Variants in ALB observed in about 807,000 individuals in gnomAD.
The protein encoded by ALB is serum albumin.
ALB carries 37 observed loss-of-function variants against 74.5 expected under a neutral mutation model. The observed-to-expected ratio is 0.50, with a 90% CI of 0.38 to 0.65. The LOEUF (loss-of-function observed/expected upper bound fraction) is 0.65. ALB is among the 30% of genes least tolerant of loss of function. ALB has a pLI of 0.00. For missense variants in ALB, 685 were observed against 718.7 expected, an observed-to-expected ratio of 0.95 and a Z score of 0.54; for synonymous variants, 249 against 251.6, an observed-to-expected ratio of 0.99 and a Z score of 0.10.
At chr4:73,407,210 C>A (rs1029615080) in intron 3 of ALB, among the ~76,000 whole-genome samples, 3 of 152,070 alleles carry the variant, frequency 2.0e-5, no homozygotes, top group Non-Finnish European at 4.4e-5. Context: ...TGTTGTATAG[C>A]TTACTCATCT....
At position 73,416,287 on chromosome 4, in the gene ALB, C is replaced by T. The variant is rs1719010875; in HGVS notation, c.1223C>T (p.Pro408Leu). The change falls in exon 10 of 15, where the codon CCT (proline) becomes CTT (leucine). Residue 408 changes from proline (P) to leucine (L), a missense_variant. By Grantham distance (98) the Pro-to-Leu change is moderately conservative. Coordinates refer to ENST00000295897, the MANE Select transcript of ALB (RefSeq NM_000477.7). Reference sequence around the variant, plus strand: ...GAATTTAAACCTCTTGTGGAAGAGCCTCAGAATTTAATCAAACAAAATTGT... The same window carrying T: ...GAATTTAAACCTCTTGTGGAAGAGCTTCAGAATTTAATCAAACAAAATTGT... ...FDEFKPLVEE[P>L]QNLIKQNCEL... 1 of 1,613,564 alleles carries T rather than the reference C, an allele frequency of 6.2e-7. No individual in the cohort carries two copies. The highest frequency in any genetic ancestry group is 8.5e-7 in the Non-Finnish European group (1 of 1,179,690).
rs2149327659 is a variant in ALB at position 73,409,495 on chromosome 4, G to A, written c.615+8G>A. ...GCCTGCCTGTTGCCAAAGGTATTATGCAAAAGAATAGAAAAAAAGAGTTCA... is the reference window on the plus strand; with the variant it reads ...GCCTGCCTGTTGCCAAAGGTATTATACAAAAGAATAGAAAAAAAGAGTTCA... On this transcript the variant is annotated splice_region_variant and intron_variant, in intron 5 of 14. Transcript: ENST00000295897. 1.2e-6 allele frequency: 2 copies of A among 1,613,790 alleles called. No homozygotes were observed. The highest frequency in any genetic ancestry group is 1.1e-5 in the South Asian group (1 of 91,046).
intron 8 of ALB, among the ~76,000 whole-genome samples, chr4:73,414,754 C>T (rs937965054): frequency 8.5e-5 from 13 of 152,072 alleles, no homozygotes; most frequent in African/African-American, 1.9e-4. Context: ...TGTGCCCAGC[C>T]GACAGATACT....
In ALB at chr4:73,421,267, CA is replaced by C; in HGVS notation, c.*200del. 1 of 477,338 alleles carries C rather than the reference CA, an allele frequency of 2.1e-6. No individual in the cohort carries two copies. The highest frequency in any genetic ancestry group is 3.6e-5 in the South Asian group (1 of 27,584). 29.6% of individuals were successfully genotyped at this position (477,338 alleles called of 1,614,324 possible). On this transcript the variant is annotated 3_prime_UTR_variant, in exon 15 of 15. Coordinates refer to ENST00000295897, the MANE Select transcript of ALB (RefSeq NM_000477.7). ...ATGGAAAGAATCTAATAGAGTGGTA[CA>C]GCACTGTTATTTTTCAAAGATGTGT...
At position 73,417,555 on chromosome 4, in the gene ALB, A is replaced by G. The variant is rs535095664; in HGVS notation, c.1314A>G (p.Lys438=). 91 of 1,614,148 alleles carry G rather than the reference A, an allele frequency of 5.6e-5. No individual in the cohort carries two copies. In the East Asian group the frequency reaches 1.9e-3, roughly 34 times the overall value. The change falls in exon 11 of 15, where the codon AAA becomes AAG. Residue 438 remains lysine (K), a synonymous_variant. Coordinates refer to ENST00000295897, the MANE Select transcript of ALB (RefSeq NM_000477.7). ...GGCTATTAGTTCGTTACACCAAGAA[A>G]GTACCCCAAGTGTCAACTCCAACTC... ...QNALLVRYTK[K]VPQVSTPTLV...
In ALB at chr4:73,421,325, A is replaced by T. The variant is rs549824910; in HGVS notation, c.*257A>T. On this transcript the variant is annotated 3_prime_UTR_variant, in exon 15 of 15. Transcript: ENST00000295897. ...CCTGAAAATTCTGTAGGTTCTGTGG[A>T]AGTTCCAGTGTTCTCTCTTATTCCA... 5.0e-6 allele frequency: 2 copies of T among 398,670 alleles called. No individual in the cohort carries two copies. Among genetic ancestry groups the T allele is most frequent in the East Asian group, 7.4e-5 (2 of 27,012 alleles). The allele number at this position is 398,670 out of a possible 1,614,324, so 24.7% of individuals were successfully genotyped here. A position where few individuals can be genotyped will look rare whatever the true frequency, so the allele number is the denominator to read the frequency against.
intron 9 of ALB, 40 bp downstream of exon 9, chr4:73,415,207 A>C (rs374559343): frequency 3.1e-6 from 5 of 1,608,462 alleles, no homozygotes; most frequent in Non-Finnish European, 4.3e-6. Flanking sequence ...TCTTTGACTG[A>C]TGATTCCAAT....
intron 10 of ALB, among the ~76,000 whole-genome samples, chr4:73,416,746 A>C (rs1423158891): frequency 6.6e-6 from 1 of 152,212 alleles, no homozygotes; most frequent in Non-Finnish European, 1.5e-5. Flanking sequence ...TGAACACAAA[A>C]ATGTAACAAA....
intron 3 of ALB, among the ~76,000 whole-genome samples, chr4:73,408,015 T>A (rs1718775756): frequency 6.6e-6 from 1 of 152,206 alleles, no homozygotes; most frequent in Non-Finnish European, 1.5e-5. Flanking sequence ...TCCCTGGGGT[T>A]ACAGTTACTT....
At chr4:73,404,987 G>A in intron 1 of ALB, 129 bp from the exon 2 acceptor site, 2 of 812,548 alleles carry the variant, frequency 2.5e-6, no homozygotes, top group Non-Finnish European at 4.1e-6. Flanking sequence ...TTTTTCTGTA[G>A]GAATCAGAGC....
chr4:73,408,104 T>C (rs1180069305), intron 3 of ALB, among the ~76,000 whole-genome samples: 2 of 152,214 alleles, frequency 1.3e-5, no homozygotes, highest in Admixed American at 1.3e-4. Context: ...AAGAAAAATG[T>C]CTATATCTTA....
At chr4:73,414,046 G>T (rs1560857772) in intron 8 of ALB, among the ~76,000 whole-genome samples, 1 of 152,094 alleles carries the variant, frequency 6.6e-6, no homozygotes, top group Non-Finnish European at 1.5e-5. Flanking sequence ...TGATAGCAAA[G>T]AAGTATAAAA....
rs1719099038 is a variant in ALB, at chr4:73,419,644, T to TAC, written c.1785+7_1785+8dup. 6.2e-7 allele frequency: 1 copy of TAC among 1,613,878 alleles called. No homozygotes were observed. The highest frequency in any genetic ancestry group is 1.1e-5 in the South Asian group (1 of 91,084). Reference sequence around the variant, plus strand: ...GAGACCTGCTTTGCCGAGGAGGTACTACAGTTCTCTTCATTTTAATATGTC... The same window carrying TAC: ...GAGACCTGCTTTGCCGAGGAGGTACTACACAGTTCTCTTCATTTTAATATGTC... On this transcript the variant is annotated splice_donor_region_variant and intron_variant, in intron 13 of 14. Coordinates refer to ENST00000295897, the MANE Select transcript of ALB (RefSeq NM_000477.7).
chr4:73,419,421 G>T, intron 12 of ALB, 86 bp from the exon 13 acceptor site: 2 of 1,425,994 alleles, frequency 1.4e-6, no homozygotes, highest in Non-Finnish European at 1.9e-6. Context: ...TTAAATGATG[G>T]GACTACCATC....
At chr4:73,408,484 A>G in intron 3 of ALB, 110 bp from the exon 4 acceptor site, 1 of 971,130 alleles carries the variant, frequency 1.0e-6, no homozygotes, top group Non-Finnish European at 1.6e-6. Flanking sequence ...CGGATTTTTA[A>G]ATGATTTCCT....
At chr4:73,420,962 AG>A (rs1242822306) in intron 14 of ALB, 129 bp from the exon 15 acceptor site, 1 of 573,272 alleles carries the variant, frequency 1.7e-6, no homozygotes, top group Non-Finnish European at 3.1e-6. Flanking sequence ...AGTCTAGGAC[AG>A]GCTTAAATTG....
chr4:73,409,271 G>T (rs1577936430), intron 4 of ALB, 84 bp from the exon 5 acceptor site: 1 of 1,465,390 alleles, frequency 6.8e-7, no homozygotes, highest in East Asian at 2.3e-5. Context: ...GAATTTGGAG[G>T]TTCTGGGGAG....
chr4:73,419,678 A>G (rs1196940407), intron 13 of ALB, 39 bp downstream of exon 13: 5 of 1,611,422 alleles, frequency 3.1e-6, no homozygotes, highest in Admixed American at 1.7e-5. Context: ...TCCAGTATTC[A>G]TTTTTGCATG....
chr4:73,409,884 T>C (rs1004202384), intron 5 of ALB, among the ~76,000 whole-genome samples: 1 of 152,120 alleles, frequency 6.6e-6, no homozygotes, highest in African/African-American at 2.4e-5. Context: ...GATGCCTGAG[T>C]TCATGCATTC....
Sources: allele counts gnomAD v4.1 joint callset (sites outside exome capture counted in the v4.1 genomes callset), GRCh38; gene constraint gnomAD v4.1.1; transcripts MANE v1.5; gene names NCBI Gene and HGNC (gene_info 2026-07-23, HGNC 2026-07-21).